The following BRINP3 variants were observed in gnomAD, a reference collection of about 807,000 sequenced individuals.
BRINP3 encodes the protein BMP/retinoic acid-inducible neural-specific protein 3.
In BRINP3, 19 loss-of-function variants were observed where a neutral mutation model predicts 71.0. The observed-to-expected ratio is 0.27, with a 90% confidence interval of 0.19 to 0.39. BRINP3 has a LOEUF of 0.39. Ranked by LOEUF, BRINP3 falls within the 10% of genes least tolerant of loss-of-function variation. BRINP3 has a pLI of 1.00. For synonymous variants in BRINP3, 380 were observed against 337.7 expected (o/e 1.13, Z -1.37); for missense variants, 959 against 940.8 (o/e 1.02, Z -0.25).
chr1:190,150,861 T>C (rs1052216612), intron 7 of BRINP3, among the ~76,000 whole-genome samples: 5 of 152,144 alleles, frequency 3.3e-5, no homozygotes, highest in African/African-American at 4.8e-5. Flanking sequence ...GGCCACAACA[T>C]TTTAATGGGA....
intron 7 of BRINP3, among the ~76,000 whole-genome samples, chr1:190,117,490 T>A (rs1319945704): frequency 6.6e-6 from 1 of 152,014 alleles, no homozygotes; most frequent in East Asian, 1.9e-4. Context: ...GCCTCAAACA[T>A]TACTCAAATA....
intron 6 of BRINP3, among the ~76,000 whole-genome samples, chr1:190,212,808 G>T (rs1656098448): frequency 6.6e-6 from 1 of 152,098 alleles, no homozygotes; most frequent in Non-Finnish European, 1.5e-5. Context: ...ATCAGCCTGA[G>T]TCCAGGAGTG....
chr1:190,391,625 G>T (rs1171372), intron 2 of BRINP3, among the ~76,000 whole-genome samples: 55,024 of 151,480 alleles, frequency 0.36, 11,060 homozygotes, highest in Admixed American at 0.49. Flanking sequence ...ATTTGTATAG[G>T]TTCCTTAGGG....
intron 2 of BRINP3, among the ~76,000 whole-genome samples, chr1:190,397,361 G>T (rs1034846628): frequency 6.6e-6 from 1 of 151,944 alleles, no homozygotes; most frequent in African/African-American, 2.4e-5. Flanking sequence ...AGTGAAGTGT[G>T]TCGCTATGGC....
chr1:190,302,196 T>C (rs1008381596), intron 2 of BRINP3, among the ~76,000 whole-genome samples: 3 of 149,498 alleles, frequency 2.0e-5, no homozygotes, highest in Non-Finnish European at 4.5e-5. Context: ...ACAGTCCACC[T>C]TGGTGTTGCA....
chr1:190,104,801 A>T (rs1454354267), intron 7 of BRINP3, among the ~76,000 whole-genome samples: 1 of 152,058 alleles, frequency 6.6e-6, no homozygotes, highest in East Asian at 1.9e-4. Context: ...CTCATGGTTA[A>T]ATCTGCTCTG....
At chr1:190,266,024 G>T (rs1386741440) in intron 3 of BRINP3, among the ~76,000 whole-genome samples, 3 of 152,156 alleles carry the variant, frequency 2.0e-5, no homozygotes, top group Admixed American at 6.5e-5. Context: ...TTACAATTAA[G>T]CTGAACTTTT....
intron 3 of BRINP3, among the ~76,000 whole-genome samples, chr1:190,271,065 A>G (rs1571585581): frequency 6.6e-6 from 1 of 151,806 alleles, no homozygotes; most frequent in African/African-American, 2.4e-5. Flanking sequence ...ATGTGAAAAG[A>G]GTCATTTTCA....
intron 6 of BRINP3, among the ~76,000 whole-genome samples, chr1:190,174,848 C>T (rs1045401963): frequency 6.6e-6 from 1 of 152,002 alleles, no homozygotes; most frequent in Non-Finnish European, 1.5e-5. Context: ...TTTCATGAGG[C>T]AGAGAAACAA....
In BRINP3 at chr1:190,098,562, A is replaced by G. The variant is rs762848405; in HGVS notation, c.1757T>C (p.Met586Thr). 2 of 1,614,060 alleles carry G rather than the reference A, an allele frequency of 1.2e-6. No homozygotes were observed. Among genetic ancestry groups the G allele is most frequent in the African/African-American group, 2.7e-5 (2 of 74,924 alleles). Residue 586 changes from methionine (M) to threonine (T), a missense_variant, in exon 8 of 8, where the codon ATG becomes ACG. Physicochemically the swap from Met to Thr is moderately conservative, Grantham distance 81. Transcript: ENST00000367462. ...TGGAAAGCTGTTTTCATTCACAGGC[A>G]TAAACCAGCTCTCAGAGTGGCTGCC... ...FGGSHSESWF[M>T]PVNENSFPDW...
chr1:190,235,616 G>A (rs1162807594), intron 4 of BRINP3, among the ~76,000 whole-genome samples: 1 of 151,876 alleles, frequency 6.6e-6, no homozygotes, highest in Non-Finnish European at 1.5e-5. Flanking sequence ...CTGTCTTGCT[G>A]TATCTCAAAC....
chr1:190,280,798 A>G (rs1484358082), intron 3 of BRINP3, among the ~76,000 whole-genome samples: 2 of 151,898 alleles, frequency 1.3e-5, no homozygotes, highest in African/African-American at 4.8e-5. Flanking sequence ...TCTAAATGCA[A>G]TTGTGGGACA....
At chr1:190,238,730 T>G (rs77771397) in intron 4 of BRINP3, among the ~76,000 whole-genome samples, 1 of 152,136 alleles carries the variant, frequency 6.6e-6, no homozygotes, top group Non-Finnish European at 1.5e-5. Context: ...TTTGAAAGTA[T>G]CTACATAAGT....
At chr1:190,110,039 T>G (rs1557974622) in intron 7 of BRINP3, among the ~76,000 whole-genome samples, 1 of 152,228 alleles carries the variant, frequency 6.6e-6, no homozygotes, top group Non-Finnish European at 1.5e-5. Context: ...ATATATCTAT[T>G]CTATTGGCTC....
intron 2 of BRINP3, among the ~76,000 whole-genome samples, chr1:190,339,052 A>AT (rs199573740): frequency 5.9e-5 from 9 of 151,404 alleles, no homozygotes; most frequent in African/African-American, 2.2e-4. Flanking sequence ...AAATAAATAA[A>AT]ACAATCTTTT....
chr1:190,184,214 C>T (rs532961517), intron 6 of BRINP3, among the ~76,000 whole-genome samples: 1 of 151,994 alleles, frequency 6.6e-6, no homozygotes, highest in Non-Finnish European at 1.5e-5. Context: ...TAGTTTTTAG[C>T]TAAAATTCTT....
chr1:190,228,139 T>C (rs772038008), intron 5 of BRINP3, among the ~76,000 whole-genome samples: 29 of 151,990 alleles, frequency 1.9e-4, no homozygotes, highest in Non-Finnish European at 3.8e-4. Context: ...CATAAAATGA[T>C]ACATTCAGAA....
intron 7 of BRINP3, among the ~76,000 whole-genome samples, chr1:190,154,370 TA>T (rs1424299094): frequency 2.6e-5 from 4 of 152,126 alleles, no homozygotes; most frequent in Admixed American, 1.3e-4. Flanking sequence ...TTCTCTATCC[TA>T]AAGAGTGATC....
At chr1:190,196,585 A>G (rs1654500019) in intron 6 of BRINP3, among the ~76,000 whole-genome samples, 1 of 152,132 alleles carries the variant, frequency 6.6e-6, no homozygotes, top group African/African-American at 2.4e-5. Context: ...ATGGGTAAAC[A>G]TAATCAGGAA....
Sources: allele counts gnomAD v4.1 joint callset (sites outside exome capture counted in the v4.1 genomes callset), GRCh38; gene constraint gnomAD v4.1.1; transcripts MANE v1.5; gene names NCBI Gene and HGNC (gene_info 2026-07-23, HGNC 2026-07-21).